The following AGAP1 variants were observed in gnomAD, a reference collection of about 807,000 sequenced individuals.
The protein encoded by AGAP1 is arf-GAP with GTPase, ANK repeat and PH domain-containing protein 1.
A neutral mutation model predicts 105.3 loss-of-function variants in AGAP1; 29 were observed. That is an observed-to-expected ratio of 0.28 (90% CI 0.21 to 0.38). The LOEUF (loss-of-function observed/expected upper bound fraction) is 0.38. Ranked by LOEUF, AGAP1 falls within the 10% of genes least tolerant of loss-of-function variation. The probability of loss-of-function intolerance (pLI) is 1.00; values close to 1 mark genes in which losing one functional copy is unlikely to be tolerated. For synonymous variants in AGAP1, 509 were observed against 485.9 expected (o/e 1.05, Z -0.63); for missense variants, 998 against 1,165.1 (o/e 0.86, Z 2.09).
Position 236,051,831 on chromosome 2 carries a change from T to C in AGAP1, c.2114+2550T>C, listed in dbSNP as rs914440739. On this transcript the variant is annotated intron_variant, in intron 16 of 17. Coordinates refer to ENST00000304032, the MANE Select transcript of AGAP1 (RefSeq NM_001037131.3). The surrounding 1 kb of genome is among the most constrained non-coding windows in gnomAD (Gnocchi z 5.9). The stretch of plus-strand genomic sequence containing the variant: ...GGAAGGCCAGGGTCCTGGTGGAGCA[T>C]GCGGGAAGCCTTAACTACACTGTCC... Among the ~76,000 whole-genome samples, 1 of 152,106 alleles carries C rather than the reference T, an allele frequency of 6.6e-6. No individual in the cohort carries two copies. The highest frequency in any genetic ancestry group is 2.4e-5 in the African/African-American group (1 of 41,412).
intron 12 of AGAP1, among the ~76,000 whole-genome samples, chr2:235,949,183 A>G (rs1045098818): frequency 6.6e-6 from 1 of 152,136 alleles, no homozygotes; most frequent in Admixed American, 6.5e-5. Context: ...TCTTTCATAC[A>G]TGCACGTTGA....
chr2:236,035,513 G>C lies in AGAP1; in HGVS notation c.1646-1048G>C, dbSNP rs1052295245. Among the ~76,000 whole-genome samples the C allele has an allele frequency of 2.8e-4, 42 of 152,296 alleles. No individual in the cohort carries two copies. The highest frequency in any genetic ancestry group is 1.6e-4 in the Non-Finnish European group (11 of 68,026). On this transcript the variant is annotated intron_variant, in intron 13 of 17. Coordinates refer to ENST00000304032, the MANE Select transcript of AGAP1 (RefSeq NM_001037131.3). This position sits in a 1 kb window ranked among gnomAD's most constrained non-coding sequence, Gnocchi z 4.2. ...GTGATGGTACACACCTGTAGTCCGAGCTACTCAGGAGGCGAAGGCAGGCTC... is the reference window on the plus strand; with the variant it reads ...GTGATGGTACACACCTGTAGTCCGACCTACTCAGGAGGCGAAGGCAGGCTC...
intron 1 of AGAP1, among the ~76,000 whole-genome samples, chr2:235,607,876 A>G (rs1945998689): frequency 6.6e-6 from 1 of 152,200 alleles, no homozygotes; most frequent in Non-Finnish European, 1.5e-5. Context: ...TTTTTAAAGG[A>G]TAGATAATAT....
chr2:235,761,028 G>A (rs1033400450), intron 6 of AGAP1, among the ~76,000 whole-genome samples: 1 of 152,184 alleles, frequency 6.6e-6, no homozygotes, highest in African/African-American at 2.4e-5. Flanking sequence ...GCACCTGCTG[G>A]CCTTAGCAAT....
intron 13 of AGAP1, among the ~76,000 whole-genome samples, chr2:236,013,628 G>A (rs1003840190): frequency 1.3e-5 from 2 of 152,086 alleles, no homozygotes; most frequent in African/African-American, 2.4e-5. Flanking sequence ...TTAAACAAAC[G>A]GCCACACAGA....
intron 1 of AGAP1, among the ~76,000 whole-genome samples, chr2:235,706,589 C>T (rs1261820541): frequency 6.6e-6 from 1 of 152,198 alleles, no homozygotes; most frequent in African/African-American, 2.4e-5. Flanking sequence ...GGATCCTATC[C>T]ATCTCTGTAT....
intron 6 of AGAP1, among the ~76,000 whole-genome samples, chr2:235,780,088 G>A (rs1045115071): frequency 3.9e-5 from 6 of 152,136 alleles, no homozygotes; most frequent in Non-Finnish European, 7.4e-5. Flanking sequence ...TTTGAAATAG[G>A]AGGTGACATT....
intron 16 of AGAP1, among the ~76,000 whole-genome samples, chr2:236,070,933 G>A (rs921394556): frequency 1.3e-5 from 2 of 152,204 alleles, no homozygotes; most frequent in Non-Finnish European, 2.9e-5. Flanking sequence ...TGAGTGAATC[G>A]TAGGGTATGT....
At position 235,757,058 on chromosome 2, in the gene AGAP1, G is replaced by A. The variant is rs577271426; in HGVS notation, c.673+6570G>A. Among the ~76,000 whole-genome samples the A allele has an allele frequency of 3.9e-5, 6 of 152,268 alleles. No homozygotes were observed. In the East Asian group the frequency reaches 7.7e-4, roughly 20 times the overall value. ...TATATGATCTGCACTGTGCTAGGAC[G>A]TGCTCCCCACCAAAACGTCAGCGTC... On this transcript the variant is annotated intron_variant, in intron 6 of 17. Transcript: ENST00000304032.
At chr2:235,541,959 C>T (rs1252477140) in intron 1 of AGAP1, among the ~76,000 whole-genome samples, 2 of 152,146 alleles carry the variant, frequency 1.3e-5, no homozygotes, top group East Asian at 3.9e-4. Context: ...GGTATGACCT[C>T]CATTGGTTCT....
In AGAP1 at chr2:235,961,163, G is replaced by C. The variant is rs563038251; in HGVS notation, c.1484-7299G>C. 6.6e-6 allele frequency among the ~76,000 whole-genome samples: 1 copy of C among 152,192 alleles called. No individual in the cohort carries two copies. The highest frequency in any genetic ancestry group is 2.4e-5 in the African/African-American group (1 of 41,448). On this transcript the variant is annotated intron_variant, in intron 12 of 17. Coordinates refer to ENST00000304032, the MANE Select transcript of AGAP1 (RefSeq NM_001037131.3). This position sits in a 1 kb window ranked among gnomAD's most constrained non-coding sequence, Gnocchi z 5.9. ...AGATGTTCCGTAAACAAAGAAACAC[G>C]CATGGAGCATGTCATGTCCCCATGT...
intron 1 of AGAP1, among the ~76,000 whole-genome samples, chr2:235,680,800 A>T (rs573495475): frequency 5.3e-5 from 8 of 152,020 alleles, no homozygotes; most frequent in Admixed American, 5.2e-4. Flanking sequence ...GTGGGAAGAG[A>T]GTGGCTGCGG....
At position 235,864,072 on chromosome 2, in the gene AGAP1, C is replaced by G. The variant is rs2049046696; in HGVS notation, c.1051-19273C>G. On this transcript the variant is annotated intron_variant, in intron 9 of 17. Transcript: ENST00000304032. The surrounding 1 kb of genome is among the most constrained non-coding windows in gnomAD (Gnocchi z 5.0). ...TGTGCTCGGTTTTGACTCTATAGAT[C>G]TGACTTGAATGCGCAAGCGGGCCGT... Among the ~76,000 whole-genome samples the G allele has an allele frequency of 6.6e-6, 1 of 152,190 alleles. No homozygotes were observed. The highest frequency in any genetic ancestry group is 2.1e-4 in the South Asian group (1 of 4,828).
intron 1 of AGAP1, among the ~76,000 whole-genome samples, chr2:235,515,984 C>T (rs1202967281): frequency 2.6e-5 from 4 of 151,964 alleles, no homozygotes; most frequent in East Asian, 1.9e-4. Flanking sequence ...CCCAGTCCTC[C>T]GAGTATCGTG....
intron 13 of AGAP1, among the ~76,000 whole-genome samples, chr2:236,028,201 C>G (rs2057115027): frequency 6.6e-6 from 1 of 152,168 alleles, no homozygotes; most frequent in South Asian, 2.1e-4. Flanking sequence ...GGGTGTCTTG[C>G]ATCTGTTTCC....
At chr2:235,731,738 G>C (rs998529952) in intron 3 of AGAP1, among the ~76,000 whole-genome samples, 1 of 152,156 alleles carries the variant, frequency 6.6e-6, no homozygotes, top group Non-Finnish European at 1.5e-5. Flanking sequence ...ACATGGATTA[G>C]CTCATTTATA....
At chr2:236,100,342 G>C (rs1318989998) in intron 16 of AGAP1, among the ~76,000 whole-genome samples, 3 of 152,124 alleles carry the variant, frequency 2.0e-5, no homozygotes, top group Non-Finnish European at 2.9e-5. Context: ...TGATAGGTTT[G>C]GTGATTTTAA....
Position 235,883,214 on chromosome 2 carries a change from T to C in AGAP1, c.1051-131T>C, listed in dbSNP as rs181541378. Reference sequence around the variant, plus strand: ...TTTGTTGAACTAATGGCATATCTTTTAGCATTCGCCAGTATCACAGAGTGA... The same window carrying C: ...TTTGTTGAACTAATGGCATATCTTTCAGCATTCGCCAGTATCACAGAGTGA... On this transcript the variant is annotated intron_variant, in intron 9 of 17. Transcript: ENST00000304032. The surrounding 1 kb of genome is among the most constrained non-coding windows in gnomAD (Gnocchi z 4.5). 3,338 of 688,304 alleles carry C rather than the reference T, an allele frequency of 4.8e-3. 17 individuals carry two copies. Among genetic ancestry groups the C allele is most frequent in the South Asian group, 7.5e-3 (438 of 58,654 alleles). The allele number at this position is 688,304 out of a possible 1,614,324, so 42.6% of individuals were successfully genotyped here.
intron 1 of AGAP1, among the ~76,000 whole-genome samples, chr2:235,515,186 A>G (rs1345592043): frequency 2.6e-5 from 4 of 152,186 alleles, no homozygotes; most frequent in Non-Finnish European, 5.9e-5. Flanking sequence ...TGAGAATCCC[A>G]TTCTGGCTGA....
Sources: allele counts gnomAD v4.1 joint callset (sites outside exome capture counted in the v4.1 genomes callset), GRCh38; gene constraint gnomAD v4.1.1; non-coding constraint Gnocchi (gnomAD v3.1); transcripts MANE v1.5; gene names NCBI Gene and HGNC (gene_info 2026-07-23, HGNC 2026-07-21).